The following UTY variants were observed in gnomAD, a reference collection of about 807,000 sequenced individuals.
UTY encodes ubiquitously transcribed tetratricopeptide repeat containing, Y-linked.
In UTY, 12 loss-of-function variants were observed where a neutral mutation model predicts 32.5. That is an observed-to-expected ratio of 0.37 (90% CI 0.24 to 0.60). UTY has a LOEUF of 0.60. UTY is among the 20% of genes least tolerant of loss of function. The probability of loss-of-function intolerance (pLI) is 0.69; values close to 1 mark genes in which losing one functional copy is unlikely to be tolerated. For synonymous variants in UTY, 131 were observed against 103.4 expected (o/e 1.27, Z -1.62); for missense variants, 303 against 299.2 (o/e 1.01, Z -0.09).
At chrY:13,460,706 GA>G (rs2077273162) in intron 3 of UTY, among the ~76,000 whole-genome samples, 1 of 30,853 alleles carries the variant, frequency 3.2e-5, no homozygotes, top group South Asian at 7.1e-4. Flanking sequence ...GTCTCAAGAA[GA>G]AAAAAAAATG....
chrY:13,331,620 G>A (rs2060699032), intron 18 of UTY, among the ~76,000 whole-genome samples: 1 of 33,582 alleles, frequency 3.0e-5, no homozygotes, highest in Admixed American at 2.7e-4. Context: ...TTTAGAAGGT[G>A]GTTAATAACA....
chrY:13,280,091 T>C, intron 27 of UTY, among the ~76,000 whole-genome samples: 2 of 33,841 alleles, frequency 5.9e-5, no homozygotes, highest in African/African-American at 2.3e-4. Context: ...CTAAGAGTTA[T>C]TGGCATTAAA....
Position 13,366,284 on chromosome Y carries a change from C to T in UTY, c.849G>A (p.Ser283=), listed in dbSNP as rs1314018265. ...SLEADPNSGQ[S]WYFLGRCYSS... ...CATCTCACCTTCCAAGAAAATACCA[C>T]GATTGGCCAGAATTAGGATCTGCCT... Residue 283 remains serine (S), a synonymous_variant, in exon 10 of 30, where the codon TCG becomes TCA. Coordinates refer to ENST00000545955, the MANE Select transcript of UTY (RefSeq NM_001258249.2). 5.6e-5 allele frequency: 22 copies of T among 391,738 alleles called. No homozygotes were observed. The Middle Eastern group carries it at 2.4e-3, about 42-fold the overall frequency.
intron 27 of UTY, among the ~76,000 whole-genome samples, chrY:13,284,540 A>C (rs970695340): frequency 5.9e-5 from 2 of 34,147 alleles, no homozygotes; most frequent in Non-Finnish European, 1.5e-4. Context: ...CTTATGGTCA[A>C]ACATAAAAAA....
At chrY:13,460,694 T>C (rs2077271009) in intron 3 of UTY, among the ~76,000 whole-genome samples, 1 of 32,265 alleles carries the variant, frequency 3.1e-5, no homozygotes, top group African/African-American at 1.2e-4. Flanking sequence ...GAGCCAAACC[T>C]TGTCTCAAGA....
chrY:13,403,385 T>G, intron 6 of UTY, among the ~76,000 whole-genome samples: 1 of 31,266 alleles, frequency 3.2e-5, no homozygotes, highest in East Asian at 8.4e-4. Context: ...CCGCCGAATC[T>G]CAGGTTCAAG....
intron 27 of UTY, among the ~76,000 whole-genome samples, chrY:13,276,836 G>A: frequency 3.0e-5 from 1 of 33,323 alleles, no homozygotes; most frequent in Non-Finnish European, 7.4e-5. Flanking sequence ...AGAAGACTGT[G>A]GTAATATTAA....
chrY:13,345,884 G>A, intron 17 of UTY, among the ~76,000 whole-genome samples: 1 of 33,001 alleles, frequency 3.0e-5, no homozygotes, highest in South Asian at 6.7e-4. Flanking sequence ...AAACCCCACA[G>A]AAATCAGGGT....
intron 4 of UTY, among the ~76,000 whole-genome samples, chrY:13,438,479 G>A: frequency 3.0e-5 from 1 of 33,662 alleles, no homozygotes; most frequent in South Asian, 6.6e-4. Context: ...ACTTTCAGGT[G>A]CCACACACCG....
intron 3 of UTY, among the ~76,000 whole-genome samples, chrY:13,468,521 T>TA (rs2078126004): frequency 3.4e-5 from 1 of 29,197 alleles, no homozygotes; most frequent in East Asian, 8.8e-4. Flanking sequence ...TAAAAATATA[T>TA]AAAAAAAAAT....
chrY:13,389,349 A>T (rs2149485528), intron 8 of UTY, among the ~76,000 whole-genome samples: 1 of 33,105 alleles, frequency 3.0e-5, no homozygotes, highest in African/African-American at 1.2e-4. Flanking sequence ...GTTTGATGCA[A>T]TCCACCTATT....
At chrY:13,380,823 G>T in intron 8 of UTY, among the ~76,000 whole-genome samples, 1 of 32,216 alleles carries the variant, frequency 3.1e-5, no homozygotes, top group South Asian at 6.8e-4. Context: ...ACACCAACCA[G>T]GGAGTTTATA....
intron 27 of UTY, among the ~76,000 whole-genome samples, chrY:13,273,144 C>A: frequency 3.0e-5 from 1 of 33,746 alleles, no homozygotes; most frequent in Non-Finnish European, 7.4e-5. Context: ...GTGATACTTA[C>A]TATTGTTTTG....
intron 3 of UTY, among the ~76,000 whole-genome samples, chrY:13,454,763 C>T: frequency 3.3e-5 from 1 of 30,524 alleles, no homozygotes; most frequent in African/African-American, 1.3e-4. Flanking sequence ...CATGGCAAAA[C>T]CCTGTCTCTA....
chrY:13,371,374 C>T, intron 8 of UTY, among the ~76,000 whole-genome samples: 1 of 33,082 alleles, frequency 3.0e-5, no homozygotes, highest in Non-Finnish European at 7.5e-5. Context: ...CACACACACA[C>T]ACATGCACAC....
chrY:13,254,726 GGGGT>G (rs2148387130), intron 28 of UTY, among the ~76,000 whole-genome samples: 1 of 33,396 alleles, frequency 3.0e-5, no homozygotes, highest in African/African-American at 1.2e-4. Context: ...AGGTTTAAAA[GGGGT>G]ACAAATACAT....
At chrY:13,409,253 T>G in intron 6 of UTY, among the ~76,000 whole-genome samples, 2 of 33,815 alleles carry the variant, frequency 5.9e-5, no homozygotes, top group Non-Finnish European at 1.5e-4. Context: ...AACTGAAAAT[T>G]TGAAAATTTC....
intron 27 of UTY, among the ~76,000 whole-genome samples, chrY:13,297,139 G>T (rs767555086): frequency 3.0e-5 from 1 of 33,795 alleles, no homozygotes; most frequent in African/African-American, 1.1e-4. Context: ...AGTTCTGCAA[G>T]CTGTACAAGA....
intron 3 of UTY, among the ~76,000 whole-genome samples, chrY:13,453,944 G>A (rs2076531466): frequency 6.2e-5 from 2 of 32,154 alleles, no homozygotes; most frequent in East Asian, 1.6e-3. Flanking sequence ...ATTGAACGCC[G>A]GGTGCAGTGG....
Sources: allele counts gnomAD v4.1 joint callset (sites outside exome capture counted in the v4.1 genomes callset), GRCh38; gene constraint gnomAD v4.1.1; transcripts MANE v1.5; gene names NCBI Gene and HGNC (gene_info 2026-07-23, HGNC 2026-07-21).